PIWIL3: variants seen among roughly 807,000 people sequenced by gnomAD.
The protein encoded by PIWIL3 is piwi like RNA-mediated gene silencing 3, also known as piwi-like protein 3.
PIWIL3 carries 101 observed loss-of-function variants against 109.7 expected under a neutral mutation model. The observed-to-expected ratio is 0.92, with a 90% confidence interval of 0.78 to 1.09. The LOEUF is 1.09. Among genes scored for constraint, PIWIL3 ranks in the 50% least tolerant of loss-of-function variants. The probability of loss-of-function intolerance (pLI) is 0.00; values close to 1 mark genes in which losing one functional copy is unlikely to be tolerated. For missense variants in PIWIL3, 1,031 were observed against 1,072.6 expected (o/e 0.96, Z 0.54); for synonymous variants, 373 against 376.4 (o/e 0.99, Z 0.10).
intron 5 of PIWIL3, 110 bp downstream of exon 5, chr22:24,756,381 A>G: frequency 9.7e-7 from 1 of 1,034,324 alleles, no homozygotes; most frequent in Non-Finnish European, 1.4e-6. Flanking sequence ...TGGGCAAGAG[A>G]GCCTTGGGAT....
At chr22:24,759,652 G>A (rs539006545) in intron 3 of PIWIL3, among the ~76,000 whole-genome samples, 1 of 152,328 alleles carries the variant, frequency 6.6e-6, no homozygotes, top group Non-Finnish European at 1.5e-5. Flanking sequence ...CCAATAAACA[G>A]TGACCTCCAT....
chr22:24,751,909 G>A (rs2147699853), intron 8 of PIWIL3, among the ~76,000 whole-genome samples: 1 of 152,268 alleles, frequency 6.6e-6, no homozygotes, highest in Middle Eastern at 3.4e-3. Flanking sequence ...GTAAGTCTTG[G>A]CACTTAATTC....
At chr22:24,762,795 G>T (rs1419342778) in intron 1 of PIWIL3, among the ~76,000 whole-genome samples, 1 of 152,112 alleles carries the variant, frequency 6.6e-6, no homozygotes, top group East Asian at 1.9e-4. Flanking sequence ...GAGGAGGCCG[G>T]ACTCTAACAA....
At position 24,754,028 on chromosome 22, in the gene PIWIL3, T is replaced by C; in HGVS notation, c.963A>G (p.Ser321=). ...REEVTNKLIG[S]IVLTKYNNKT... ...GACAGACTTACTTTGTCAGAACAAT[T>C]GATCCAATTAATTTATTAGTTACTT... Residue 321 remains serine (S), a synonymous_variant, in exon 8 of 21, where the codon TCA becomes TCG. Transcript: ENST00000616349. The C allele has an allele frequency of 6.2e-7, 1 of 1,606,104 alleles. No individual in the cohort carries two copies. The highest frequency in any genetic ancestry group is 1.3e-5 in the African/African-American group (1 of 74,840).
rs368961036 is a variant in PIWIL3, at chr22:24,762,435, T to A, written c.65A>T (p.Glu22Val). 2.5e-6 allele frequency: 4 copies of A among 1,613,934 alleles called. No homozygotes were observed. The highest frequency in any genetic ancestry group is 3.4e-6 in the Non-Finnish European group (4 of 1,179,970). Residue 22 changes from glutamate (E) to valine (V), a missense_variant, in exon 2 of 21, where the codon GAG becomes GTG. Glu to Val is a moderately radical substitution (Grantham distance 121, BLOSUM62 -2). Coordinates refer to ENST00000616349, the MANE Select transcript of PIWIL3 (RefSeq NM_001255975.1). The part of the protein sequence containing the change: ...RARRRESYQQ[E>V]APGGPRAPGS... ...AGGTGCTCTGGGTCCCCCAGGTGCC[T>A]CTTGTTGGTAGCTCTCCCTGCGGCG... is the stretch of plus-strand genomic sequence containing the variant.
At chr22:24,722,994 TA>T (rs561085964) in intron 19 of PIWIL3, 135 bp downstream of exon 19, 47 of 987,790 alleles carry the variant, frequency 4.8e-5, no homozygotes, top group Non-Finnish European at 5.9e-5. Flanking sequence ...TGCCCAATAG[TA>T]AAAAAAACAG....
rs546322090 is a variant in PIWIL3, at chr22:24,757,609, T to C, written c.355+299A>G. 4.5e-3 allele frequency among the ~76,000 whole-genome samples: 209 copies of C among 46,868 alleles called. 1 individual carries two copies. Among genetic ancestry groups the C allele is most frequent in the African/African-American group, 0.014 (192 of 13,464 alleles). The allele number at this position is 46,868 out of a possible 152,430, so 30.7% of individuals were successfully genotyped here. On this transcript the variant is annotated intron_variant, in intron 4 of 20. Transcript: ENST00000616349. ...CCAGCAAGACCGTGTCTCTACAAAA[T>C]TTACATACACACACACACACACACA...
intron 1 of PIWIL3, 47 bp from the exon 2 acceptor site, chr22:24,762,568 T>A: frequency 6.9e-7 from 1 of 1,454,906 alleles, no homozygotes; most frequent in Non-Finnish European, 9.3e-7. Context: ...TTGCCTGGTG[T>A]CTTACTCTCT....
intron 13 of PIWIL3, 145 bp from the exon 14 acceptor site, chr22:24,734,301 A>G (rs1288554513): frequency 2.3e-6 from 3 of 1,323,360 alleles, no homozygotes. Context: ...GAAAAAAGAC[A>G]GTAGACTTTC....
At chr22:24,736,035 A>T (rs752312805) in intron 12 of PIWIL3, 143 bp from the exon 13 acceptor site, 15 of 695,680 alleles carry the variant, frequency 2.2e-5, no homozygotes, top group Non-Finnish European at 3.2e-5. Flanking sequence ...TATTTTTTTC[A>T]TTAAGATATA....
rs755905205 is a variant in PIWIL3 at position 24,735,795 on chromosome 22, C to T, written c.1547G>A (p.Arg516Lys). 3.1e-6 allele frequency: 5 copies of T among 1,613,838 alleles called. No individual in the cohort carries two copies. The African/African-American group carries it at 4.0e-5, about 13-fold the overall frequency. Residue 516 changes from arginine (R) to lysine (K), a missense_variant, in exon 13 of 21, where the codon AGG becomes AAG. By Grantham distance (26) the Arg-to-Lys change is conservative. Transcript: ENST00000616349. Reference protein sequence around the residue: ...PLHSWLILYSRSSHREAMSLK... With the variant: ...PLHSWLILYSKSSHREAMSLK... ...GGACATGGCTTCTCTGTGACTGCTC[C>T]TGCTATAGAGTATGAGCCAACTATG...
chr22:24,734,888 G>T (rs945946231), intron 13 of PIWIL3, among the ~76,000 whole-genome samples: 3 of 150,670 alleles, frequency 2.0e-5, no homozygotes, highest in Non-Finnish European at 4.4e-5. Flanking sequence ...ACACATGCAG[G>T]TTTGTTATAT....
In PIWIL3 at chr22:24,723,165, T is replaced by C. The variant is rs756610080; in HGVS notation, c.2322A>G (p.Gly774=). The C allele has an allele frequency of 6.2e-7, 1 of 1,613,364 alleles. No homozygotes were observed. Among genetic ancestry groups the C allele is most frequent in the Non-Finnish European group, 8.5e-7 (1 of 1,179,378 alleles). ...TAGTCAACTCTACATCAATAACTGT[T>C]CCTGGAGGTGGATTTTGAAAATTGC... The part of the protein sequence containing the change: ...HGSNFQNPPP[G]TVIDVELTRN... The change falls in exon 19 of 21, where the codon GGA becomes GGG. Residue 774 remains glycine (G), a synonymous_variant. Coordinates refer to ENST00000616349, the MANE Select transcript of PIWIL3 (RefSeq NM_001255975.1).
intron 14 of PIWIL3, among the ~76,000 whole-genome samples, chr22:24,732,952 A>G (rs1334495295): frequency 6.6e-6 from 1 of 152,210 alleles, no homozygotes; most frequent in Non-Finnish European, 1.5e-5. Flanking sequence ...TAGAACAGGA[A>G]GCTTTGCTGG....
intron 1 of PIWIL3, among the ~76,000 whole-genome samples, chr22:24,765,823 T>C (rs2147727542): frequency 6.6e-6 from 1 of 152,040 alleles, no homozygotes; most frequent in East Asian, 1.9e-4. Context: ...TTTAGGGCTT[T>C]TATTTTTTCT....
chr22:24,759,458 G>A (rs941292181), intron 3 of PIWIL3, among the ~76,000 whole-genome samples: 3 of 152,152 alleles, frequency 2.0e-5, no homozygotes, highest in Non-Finnish European at 4.4e-5. Flanking sequence ...CTGAGCCTGT[G>A]TGCATGAGTG....
intron 12 of PIWIL3, among the ~76,000 whole-genome samples, chr22:24,744,191 A>G (rs1224934838): frequency 1.4e-5 from 2 of 147,332 alleles, no homozygotes; most frequent in African/African-American, 2.5e-5. Flanking sequence ...AAAAAAAAAA[A>G]AAAAAAAAAA....
At chr22:24,737,231 G>T (rs1156645776) in intron 12 of PIWIL3, among the ~76,000 whole-genome samples, 1 of 152,190 alleles carries the variant, frequency 6.6e-6, no homozygotes, top group African/African-American at 2.4e-5. Flanking sequence ...ACTTTGTCTT[G>T]TATCTTGGAT....
At chr22:24,721,652 C>A (rs1922682071) in intron 19 of PIWIL3, among the ~76,000 whole-genome samples, 1 of 152,168 alleles carries the variant, frequency 6.6e-6, no homozygotes, top group African/African-American at 2.4e-5. Flanking sequence ...TTCTCTTTAA[C>A]CCTTCCACTG....
Sources: allele counts gnomAD v4.1 joint callset (sites outside exome capture counted in the v4.1 genomes callset), GRCh38; gene constraint gnomAD v4.1.1; transcripts MANE v1.5; gene names NCBI Gene and HGNC (gene_info 2026-07-23, HGNC 2026-07-21).